The following NNT variants were observed in gnomAD, a reference collection of about 807,000 sequenced individuals.
NNT encodes NAD(P) transhydrogenase, mitochondrial.
A neutral mutation model predicts 104.8 loss-of-function variants in NNT; 50 were observed. The ratio of observed to expected loss-of-function variants is 0.48; its 90% CI spans 0.38 to 0.60. The LOEUF is 0.60. Ranked by LOEUF, NNT falls within the 20% of genes least tolerant of loss-of-function variation. The pLI is 0.00. For missense variants in NNT, 1,131 were observed against 1,330.7 expected (o/e 0.85, Z 2.33); for synonymous variants, 461 against 490.4 (o/e 0.94, Z 0.79).
At chr5:43,682,853 G>A (rs1741795287) in intron 19 of NNT, among the ~76,000 whole-genome samples, 3 of 152,138 alleles carry the variant, frequency 2.0e-5, no homozygotes, top group Admixed American at 1.3e-4. Flanking sequence ...GGATACCTCA[G>A]TGAAGACAAC....
At chr5:43,695,849 CCTT>C (rs908070689) in intron 19 of NNT, among the ~76,000 whole-genome samples, 74 of 152,218 alleles carry the variant, frequency 4.9e-4, no homozygotes, top group Middle Eastern at 3.4e-3. Context: ...CAGGGAAACT[CCTT>C]CTTATAAAAC....
intron 7 of NNT, among the ~76,000 whole-genome samples, chr5:43,643,325 A>G (rs1267746057): frequency 6.6e-6 from 1 of 152,230 alleles, no homozygotes; most frequent in Non-Finnish European, 1.5e-5. Context: ...TGCTGACAGT[A>G]TAAGCCCCTG....
rs1740165130 is a variant in NNT at position 43,658,299 on chromosome 5, TAATACATG to T, written c.2455-867_2455-860del. Among the ~76,000 whole-genome samples, 3 of 152,312 alleles carry T rather than the reference TAATACATG, an allele frequency of 2.0e-5. No individual in the cohort carries two copies. The South Asian group carries it at 6.2e-4, about 32-fold the overall frequency. On this transcript the variant is annotated intron_variant, in intron 16 of 21. Coordinates refer to ENST00000344920, the MANE Select transcript of NNT (RefSeq NM_182977.3). ...TTTTATTGCTTTTGGCTTAAATGAG[TAATACATG>T]AATATGCTCTCATTGTAACAAACAA...
chr5:43,691,487 A>G (rs1452191168), intron 19 of NNT, among the ~76,000 whole-genome samples: 1 of 152,132 alleles, frequency 6.6e-6, no homozygotes, highest in Non-Finnish European at 1.5e-5. Flanking sequence ...TTAAATCTGT[A>G]GTTCTATGAG....
chr5:43,634,840 C>G (rs1750851980), intron 7 of NNT, among the ~76,000 whole-genome samples: 2 of 152,152 alleles, frequency 1.3e-5, no homozygotes, highest in African/African-American at 4.8e-5. Flanking sequence ...TGTATTTGAG[C>G]ACACTTTGTG....
intron 5 of NNT, 35 bp downstream of exon 5, chr5:43,619,154 C>T (rs200501451): frequency 2.3e-6 from 3 of 1,280,648 alleles, no homozygotes; most frequent in South Asian, 1.6e-5. Context: ...TTATAATATG[C>T]ATTGATTAAA....
chr5:43,641,382 G>T (rs2111801604), intron 7 of NNT, among the ~76,000 whole-genome samples: 1 of 152,106 alleles, frequency 6.6e-6, no homozygotes, highest in South Asian at 2.1e-4. Context: ...CAGCTGCACT[G>T]TTACATTCAT....
chr5:43,672,928 C>T (rs939357896), intron 17 of NNT, among the ~76,000 whole-genome samples: 4 of 152,200 alleles, frequency 2.6e-5, no homozygotes, highest in African/African-American at 9.6e-5. Context: ...GCGGTGGGCT[C>T]CACCCAGTTC....
intron 7 of NNT, among the ~76,000 whole-genome samples, chr5:43,638,595 A>G (rs1267714574): frequency 1.3e-5 from 2 of 151,734 alleles, no homozygotes; most frequent in Non-Finnish European, 2.9e-5. Context: ...AATAGATTCT[A>G]TAATTCATAT....
At chr5:43,692,543 C>G (rs559506573) in intron 19 of NNT, among the ~76,000 whole-genome samples, 1 of 152,134 alleles carries the variant, frequency 6.6e-6, no homozygotes. Context: ...AGGCTGGTCT[C>G]GAACTCCTGA....
intron 6 of NNT, among the ~76,000 whole-genome samples, chr5:43,627,706 AAC>A (rs1456737398): frequency 6.6e-6 from 1 of 152,136 alleles, no homozygotes; most frequent in African/African-American, 2.4e-5. Context: ...ACTTTTTGCA[AAC>A]ACAATTTAAT....
intron 19 of NNT, among the ~76,000 whole-genome samples, chr5:43,696,050 A>G (rs1478777931): frequency 1.3e-5 from 2 of 152,054 alleles, no homozygotes; most frequent in African/African-American, 4.8e-5. Context: ...TTCAAAACCA[A>G]TCATGCCTTC....
intron 10 of NNT, 66 bp downstream of exon 10, chr5:43,645,576 T>G: frequency 1.0e-6 from 1 of 986,734 alleles, no homozygotes; most frequent in Non-Finnish European, 1.4e-6. Flanking sequence ...TATATATATA[T>G]CTATAGATAT....
intron 10 of NNT, among the ~76,000 whole-genome samples, chr5:43,646,592 G>A (rs978105319): frequency 6.6e-6 from 1 of 151,780 alleles, no homozygotes; most frequent in African/African-American, 2.4e-5. Flanking sequence ...TACATCAAAT[G>A]TATTGAGAAG....
intron 19 of NNT, among the ~76,000 whole-genome samples, chr5:43,684,697 T>C (rs1312277257): frequency 2.0e-5 from 3 of 152,166 alleles, no homozygotes; most frequent in Non-Finnish European, 4.4e-5. Flanking sequence ...TGGAAATTTT[T>C]ATTCAGAACT....
intron 19 of NNT, among the ~76,000 whole-genome samples, chr5:43,686,146 T>C (rs774646808): frequency 2.0e-5 from 3 of 152,074 alleles, no homozygotes; most frequent in Non-Finnish European, 4.4e-5. Context: ...TCTTAATTGA[T>C]GACTGAAGCC....
intron 17 of NNT, among the ~76,000 whole-genome samples, chr5:43,672,650 G>A (rs765154287): frequency 9.9e-5 from 15 of 152,188 alleles, no homozygotes; most frequent in East Asian, 3.9e-4. Flanking sequence ...TGGAAGCTTC[G>A]TCTCAGAGGG....
chr5:43,631,965 T>C (rs1454066606), intron 7 of NNT, among the ~76,000 whole-genome samples: 7 of 142,742 alleles, frequency 4.9e-5, no homozygotes, highest in African/African-American at 1.9e-4. Context: ...TCAGTTTCTT[T>C]TGGGAAAAAA....
At chr5:43,692,548 T>G (rs1305084513) in intron 19 of NNT, among the ~76,000 whole-genome samples, 1 of 152,210 alleles carries the variant, frequency 6.6e-6, no homozygotes, top group African/African-American at 2.4e-5. Context: ...GGTCTCGAAC[T>G]CCTGACCTCA....
Sources: allele counts gnomAD v4.1 joint callset (sites outside exome capture counted in the v4.1 genomes callset), GRCh38; gene constraint gnomAD v4.1.1; transcripts MANE v1.5; gene names NCBI Gene and HGNC (gene_info 2026-07-23, HGNC 2026-07-21).